The following NRG2 variants were observed in gnomAD, a reference collection of about 807,000 sequenced individuals.
NRG2 encodes pro-neuregulin-2, membrane-bound isoform.
A neutral mutation model predicts 73.9 loss-of-function variants in NRG2; 27 were observed. That is an observed-to-expected ratio of 0.37 (90% CI 0.27 to 0.50). The LOEUF (loss-of-function observed/expected upper bound fraction) is 0.50. Ranked by LOEUF, NRG2 falls within the 20% of genes least tolerant of loss-of-function variation. NRG2 has a pLI of 0.96. For missense variants in NRG2, 1,126 were observed against 1,210.1 expected (o/e 0.93, Z 1.03); for synonymous variants, 532 against 541.0 (o/e 0.98, Z 0.23).
intron 1 of NRG2, among the ~76,000 whole-genome samples, chr5:139,959,516 A>G (rs1561709522): frequency 2.0e-5 from 3 of 152,334 alleles, no homozygotes; most frequent in Non-Finnish European, 4.4e-5. Flanking sequence ...AGCTGGGATT[A>G]AAGGCATGCG....
intron 1 of NRG2, among the ~76,000 whole-genome samples, chr5:140,019,935 G>A (rs959023452): frequency 2.0e-5 from 3 of 152,110 alleles, no homozygotes; most frequent in African/African-American, 7.2e-5. Flanking sequence ...GCATTTTTTA[G>A]TAGAGACAGG....
intron 1 of NRG2, among the ~76,000 whole-genome samples, chr5:139,982,742 T>C (rs901853233): frequency 1.3e-5 from 2 of 152,172 alleles, no homozygotes; most frequent in African/African-American, 4.8e-5. Context: ...CCTCTTCCCA[T>C]TCCCCCGCAA....
intron 1 of NRG2, among the ~76,000 whole-genome samples, chr5:140,028,085 TGAC>T (rs976038888): frequency 6.6e-6 from 1 of 152,142 alleles, no homozygotes; most frequent in African/African-American, 2.4e-5. Flanking sequence ...TAAAGAGACA[TGAC>T]AACTAAATGT....
In NRG2 at chr5:139,848,654, C is replaced by A. The variant is rs1287764390; in HGVS notation, c.1816G>T (p.Asp606Tyr). 8.3e-6 allele frequency: 13 copies of A among 1,572,146 alleles called. No homozygotes were observed. Among genetic ancestry groups the A allele is most frequent in the Non-Finnish European group, 1.0e-5 (12 of 1,168,562 alleles). ...TGCGTGGCCAGCGAGTAGTGGAAGT[C>A]CACGGGCGAGAGGCGCGCGGGCGTG... Reference protein sequence around the residue: ...LTTPARLSPVDFHYSLATQVP... With the variant: ...LTTPARLSPVYFHYSLATQVP... Residue 606 changes from aspartate (D) to tyrosine (Y), a missense_variant, in exon 10 of 10, where the codon GAC (aspartate) becomes TAC (tyrosine). Transcript: ENST00000361474.
intron 1 of NRG2, among the ~76,000 whole-genome samples, chr5:140,004,175 A>G (rs557234411): frequency 6.6e-6 from 1 of 152,338 alleles, no homozygotes; most frequent in South Asian, 2.1e-4. Context: ...CATATTTTAG[A>G]AAGAGCTATT....
At chr5:139,950,687 T>C (rs935278427) in intron 1 of NRG2, among the ~76,000 whole-genome samples, 3 of 152,208 alleles carry the variant, frequency 2.0e-5, no homozygotes, top group African/African-American at 7.2e-5. Flanking sequence ...GCAACTGACA[T>C]CTGGTCATAT....
intron 1 of NRG2, among the ~76,000 whole-genome samples, chr5:139,958,221 G>A (rs1235066885): frequency 6.6e-6 from 1 of 152,044 alleles, no homozygotes; most frequent in Non-Finnish European, 1.5e-5. Flanking sequence ...GTATCTTCAA[G>A]CAGAAGATGT....
intron 1 of NRG2, among the ~76,000 whole-genome samples, chr5:139,890,764 G>A (rs2127140241): frequency 6.6e-6 from 1 of 152,184 alleles, no homozygotes; most frequent in African/African-American, 2.4e-5. Context: ...CGGGTTGTGG[G>A]TTCTAAAGGG....
intron 1 of NRG2, among the ~76,000 whole-genome samples, chr5:140,025,278 T>C (rs1170193472): frequency 6.6e-6 from 1 of 152,150 alleles, no homozygotes; most frequent in Non-Finnish European, 1.5e-5. Context: ...CTGCCATCTC[T>C]GTAACACAGC....
intron 2 of NRG2, among the ~76,000 whole-genome samples, chr5:139,882,155 G>A (rs914802984): frequency 1.3e-5 from 2 of 152,138 alleles, no homozygotes; most frequent in African/African-American, 2.4e-5. Context: ...TACGAGGGAG[G>A]GCAGTAGAGC....
Position 139,985,113 on chromosome 5 carries a change from A to T in NRG2, c.700+57257T>A, listed in dbSNP as rs534618686. Among the ~76,000 whole-genome samples, 8 of 152,108 alleles carry T rather than the reference A, an allele frequency of 5.3e-5. No homozygotes were observed. The South Asian group carries it at 1.7e-3, about 32-fold the overall frequency. On this transcript the variant is annotated intron_variant, in intron 1 of 9. Coordinates refer to ENST00000361474, the MANE Select transcript of NRG2 (RefSeq NM_004883.3). ...CCAGCACTTTGGGAGGCTGAGGTAGATGGATCACTTGAAACCAGGAGTTTG... is the reference window on the plus strand; with the variant it reads ...CCAGCACTTTGGGAGGCTGAGGTAGTTGGATCACTTGAAACCAGGAGTTTG...
chr5:139,910,425 A>G (rs1765498985), intron 1 of NRG2, among the ~76,000 whole-genome samples: 1 of 152,202 alleles, frequency 6.6e-6, no homozygotes, highest in Non-Finnish European at 1.5e-5. Context: ...AGAAATTGAT[A>G]TCCACCTACC....
At chr5:139,932,260 GTA>G (rs1561688564) in intron 1 of NRG2, among the ~76,000 whole-genome samples, 1 of 114,850 alleles carries the variant, frequency 8.7e-6, no homozygotes, top group Non-Finnish European at 1.8e-5. Flanking sequence ...GTGTGTGTGT[GTA>G]TACACAGTGA....
chr5:140,031,622 T>C (rs1315799732), intron 1 of NRG2, among the ~76,000 whole-genome samples: 1 of 152,196 alleles, frequency 6.6e-6, no homozygotes, highest in Non-Finnish European at 1.5e-5. Flanking sequence ...GCTTAATCAC[T>C]ACCTGTTCGA....
In NRG2 at chr5:139,915,375, G is replaced by A. The variant is rs951623145; in HGVS notation, c.701-27864C>T. On this transcript the variant is annotated intron_variant, in intron 1 of 9. Coordinates refer to ENST00000361474, the MANE Select transcript of NRG2 (RefSeq NM_004883.3). This position sits in a 1 kb window ranked among gnomAD's most constrained non-coding sequence, Gnocchi z 4.0. ...TGCTTGGGGTCACCAGTTGAAATGA[G>A]GATTCAATTCAGCAGTTTCCAGCCT... is the stretch of plus-strand genomic sequence containing the variant. 1.3e-5 allele frequency among the ~76,000 whole-genome samples: 2 copies of A among 152,186 alleles called. No homozygotes were observed. Among genetic ancestry groups the A allele is most frequent in the Non-Finnish European group, 2.9e-5 (2 of 68,034 alleles).
intron 1 of NRG2, among the ~76,000 whole-genome samples, chr5:140,040,073 A>C (rs571806032): frequency 3.3e-5 from 5 of 152,328 alleles, no homozygotes; most frequent in Non-Finnish European, 7.4e-5. Context: ...AAAACAAGAA[A>C]ATGCAGTTTA....
intron 1 of NRG2, among the ~76,000 whole-genome samples, chr5:139,888,888 C>T (rs1764040433): frequency 6.6e-6 from 1 of 152,166 alleles, no homozygotes; most frequent in South Asian, 2.1e-4. Flanking sequence ...CATTTTTAAA[C>T]AAAATGGAAT....
chr5:139,873,142 G>C (rs1762967088), intron 3 of NRG2, among the ~76,000 whole-genome samples: 1 of 152,194 alleles, frequency 6.6e-6, no homozygotes, highest in South Asian at 2.1e-4. Flanking sequence ...CTCTGCTTCT[G>C]TATATGTCTG....
intron 1 of NRG2, among the ~76,000 whole-genome samples, chr5:140,003,012 T>C (rs914714527): frequency 6.6e-6 from 1 of 152,220 alleles, no homozygotes; most frequent in Admixed American, 6.5e-5. Context: ...TTTTTTGAAC[T>C]GGGGAAGATT....
Sources: allele counts gnomAD v4.1 joint callset (sites outside exome capture counted in the v4.1 genomes callset), GRCh38; gene constraint gnomAD v4.1.1; non-coding constraint Gnocchi (gnomAD v3.1); transcripts MANE v1.5; gene names NCBI Gene and HGNC (gene_info 2026-07-23, HGNC 2026-07-21).